Variants in PRG4 observed in about 807,000 individuals in gnomAD.
PRG4 encodes the protein proteoglycan 4.
PRG4 carries 61 observed loss-of-function variants against 91.2 expected under a neutral mutation model. That is an observed-to-expected ratio of 0.67 (90% CI 0.54 to 0.83). The LOEUF is 0.83. Among genes scored for constraint, PRG4 ranks in the 40% least tolerant of loss-of-function variants. The pLI is 0.00. For synonymous variants in PRG4, 576 were observed against 614.2 expected (o/e 0.94, Z 0.92); for missense variants, 1,564 against 1,714.2 (o/e 0.91, Z 1.55).
rs1388699141 is a variant in PRG4, at chr1:186,310,137, G to T, written c.3499+267G>T. 1.8e-3 allele frequency among the ~76,000 whole-genome samples: 165 copies of T among 90,862 alleles called. 1 individual carries two copies. Among genetic ancestry groups the T allele is most frequent in the African/African-American group, 8.8e-3 (156 of 17,640 alleles). The allele number at this position is 90,862 out of a possible 152,430, so 59.6% of individuals were successfully genotyped here. A position where few individuals can be genotyped will look rare whatever the true frequency, so the allele number is the denominator to read the frequency against. On this transcript the variant is annotated intron_variant, in intron 8 of 12. Transcript: ENST00000445192. ...TTTAAAAAGTAGTTCATTTTTTTTG[G>T]GGGGGGGGGGTAGTTAAAATTTAAA... is the stretch of plus-strand genomic sequence containing the variant.
intron 3 of PRG4, 121 bp downstream of exon 3, chr1:186,300,334 T>C: frequency 1.5e-6 from 2 of 1,306,392 alleles, no homozygotes; most frequent in Admixed American, 3.4e-5. Flanking sequence ...TGCAGTGCTG[T>C]TTTCCCACTG....
chr1:186,301,907 CT>C (rs1437630759), intron 4 of PRG4, among the ~76,000 whole-genome samples, 196 bp downstream of exon 4: 2 of 152,180 alleles, frequency 1.3e-5, no homozygotes, highest in Non-Finnish European at 2.9e-5. Context: ...AACCCCCAGG[CT>C]CAGCCAGGCT....
rs553208618 is a variant in PRG4, at chr1:186,304,927, G to C, written c.598+5G>C. 1 of 1,612,488 alleles carries C rather than the reference G, an allele frequency of 6.2e-7. No individual in the cohort carries two copies. Among genetic ancestry groups the C allele is most frequent in the African/African-American group, 1.3e-5 (1 of 74,970 alleles). On this transcript the variant is annotated splice_donor_5th_base_variant and intron_variant, in intron 6 of 12. Coordinates refer to ENST00000445192, the MANE Select transcript of PRG4 (RefSeq NM_005807.6). Reference sequence around the variant, plus strand: ...AATTACAGAAGAAACTCAAAGGTTTGAGCATTGATAAAGATCAAAGACTGT... The same window carrying C: ...AATTACAGAAGAAACTCAAAGGTTTCAGCATTGATAAAGATCAAAGACTGT...
At chr1:186,311,791 C>G in intron 10 of PRG4, 195 bp downstream of exon 10, 1 of 647,848 alleles carries the variant, frequency 1.5e-6, no homozygotes, top group Non-Finnish European at 2.6e-6. Flanking sequence ...AGGCAAGTCA[C>G]AATTCATTTG....
At chr1:186,309,711 A>T (rs995484685) in intron 7 of PRG4, 82 bp from the exon 8 acceptor site, 73 of 1,034,790 alleles carry the variant, frequency 7.1e-5, no homozygotes, top group Non-Finnish European at 9.7e-5. Flanking sequence ...AGGAAATAGA[A>T]CCATGTGGAA....
At position 186,312,769 on chromosome 1, in the gene PRG4, G is replaced by A. The variant is rs767690523; in HGVS notation, c.3992G>A (p.Gly1331Asp). ...CTTTTATTAAACATGCCACTTACAG[G>A]TGTCCTTCATAATGAAGTTAAAGTG... ...SPARLAYQDK[G>D]VLHNEVKVSI... The change falls in exon 12 of 13, where the codon GGT (glycine) becomes GAT (aspartate). Residue 1331 changes from glycine to aspartate, a missense_variant and splice_region_variant. By Grantham distance (94) the Gly-to-Asp change is moderately conservative (BLOSUM62 -1). This residue lies in a region of PRG4 where 1,079 missense variants were observed against 1,162.2 expected (regional missense o/e 0.93). Coordinates refer to ENST00000445192, the MANE Select transcript of PRG4 (RefSeq NM_005807.6). The A allele has an allele frequency of 6.2e-7, 1 of 1,612,760 alleles. No individual in the cohort carries two copies. The highest frequency in any genetic ancestry group is 8.5e-7 in the Non-Finnish European group (1 of 1,178,870).
At chr1:186,304,282 A>T (rs1184956000) in intron 5 of PRG4, 25 bp downstream of exon 5, 1 of 1,602,786 alleles carries the variant, frequency 6.2e-7, no homozygotes, top group East Asian at 2.2e-5. Flanking sequence ...GATATAATCA[A>T]AGGAGCTTTC....
At position 186,304,276 on chromosome 1, in the gene PRG4, T is replaced by C. The variant is rs776499512; in HGVS notation, c.469+19T>C. 3 of 1,605,736 alleles carry C rather than the reference T, an allele frequency of 1.9e-6. No homozygotes were observed. Among genetic ancestry groups the C allele is most frequent in the Non-Finnish European group, 2.6e-6 (3 of 1,172,550 alleles). On this transcript the variant is annotated intron_variant, in intron 5 of 12. Coordinates refer to ENST00000445192, the MANE Select transcript of PRG4 (RefSeq NM_005807.6). The stretch of plus-strand genomic sequence containing the variant: ...ACAGAAGGTAGGAAGATGACAGATA[T>C]AATCAAAGGAGCTTTCTTAGATGAA...
chr1:186,308,493 GTAC>G lies in PRG4; in HGVS notation c.2778_2780del (p.Thr927del). 5.0e-6 allele frequency: 8 copies of G among 1,613,642 alleles called. No individual in the cohort carries two copies. Among genetic ancestry groups the G allele is most frequent in the Non-Finnish European group, 6.8e-6 (8 of 1,179,992 alleles). On this transcript the variant is annotated inframe_deletion, in exon 7 of 13. Transcript: ENST00000445192. ...GACAAGACAACAGAAAGAGACTTACGTACTACACCTGAAACTACAACTGCTGCA... is the reference window on the plus strand; with the variant it reads ...GACAAGACAACAGAAAGAGACTTACGTACACCTGAAACTACAACTGCTGCA...
In PRG4 at chr1:186,308,098, T is replaced by C. The variant is rs201639286; in HGVS notation, c.2379T>C (p.Thr793=). Residue 793 remains threonine (T), a synonymous_variant, in exon 7 of 13, where the codon ACT becomes ACC. Coordinates refer to ENST00000445192, the MANE Select transcript of PRG4 (RefSeq NM_005807.6). ...PTTLKEPAPT[T]PKKPAPKELA... ...CCCTCAAGGAACCTGCACCCACTAC[T>C]CCCAAGAAGCCTGCCCCCAAGGAGC... The C allele has an allele frequency of 6.3e-7, 1 of 1,592,846 alleles. No homozygotes were observed. The highest frequency in any genetic ancestry group is 1.5e-5 in the African/African-American group (1 of 68,250).
At position 186,314,186 on chromosome 1, in the gene PRG4, C is replaced by A. The variant is rs1205506525; in HGVS notation, c.*408C>A. 12 of 612,296 alleles carry A rather than the reference C, an allele frequency of 2.0e-5. No homozygotes were observed. In the Admixed American group the frequency reaches 3.6e-4, roughly 19 times the overall value. 37.9% of individuals were successfully genotyped at this position (612,296 alleles called of 1,614,324 possible). Reference sequence around the variant, plus strand: ...TGGAAATTATTACAAGCAGATTAATCCCTCTTTTTGTGACACAAGTACAAT... The same window carrying A: ...TGGAAATTATTACAAGCAGATTAATACCTCTTTTTGTGACACAAGTACAAT... On this transcript the variant is annotated 3_prime_UTR_variant, in exon 13 of 13. Transcript: ENST00000445192.
At chr1:186,312,438 G>T in intron 11 of PRG4, 66 bp downstream of exon 11, 1 of 1,406,178 alleles carries the variant, frequency 7.1e-7, no homozygotes, top group Admixed American at 2.1e-5. Flanking sequence ...TTCTTATACA[G>T]TAAGGCTTAT....
At chr1:186,305,917 T>C (rs368148647) in intron 6 of PRG4, among the ~76,000 whole-genome samples, 6 of 152,064 alleles carry the variant, frequency 3.9e-5, no homozygotes, top group African/African-American at 1.5e-4. Context: ...TCTGAGATAA[T>C]TGGTGCAGCA....
intron 3 of PRG4, 47 bp downstream of exon 3, chr1:186,300,260 T>G (rs1416156878): frequency 6.2e-7 from 1 of 1,612,122 alleles, no homozygotes; most frequent in Non-Finnish European, 8.5e-7. Context: ...ACACTGCGAG[T>G]CTGTGAGTCC....
rs941085518 is a variant in PRG4 at position 186,296,284 on chromosome 1, T to A, written c.-40T>A. On this transcript the variant is annotated 5_prime_UTR_variant, in exon 1 of 13. Transcript: ENST00000445192. ...CCAGGACGTGGGATAAACTCATCTA[T>A]CCTTTACGGGTAAGTGTCAAAGTTA... The A allele has an allele frequency of 2.6e-5, 4 of 154,288 alleles. No homozygotes were observed. The highest frequency in any genetic ancestry group is 9.7e-5 in the African/African-American group (4 of 41,448). 9.6% of individuals were successfully genotyped at this position (154,288 alleles called of 1,614,324 possible). A position where few individuals can be genotyped will look rare whatever the true frequency, so the allele number is the denominator to read the frequency against.
In PRG4 at chr1:186,308,774, C is replaced by A; in HGVS notation, c.3055C>A (p.Pro1019Thr). The A allele has an allele frequency of 6.2e-7, 1 of 1,613,794 alleles. No individual in the cohort carries two copies. The highest frequency in any genetic ancestry group is 1.1e-5 in the South Asian group (1 of 91,048). Residue 1019 changes from proline (P) to threonine (T), a missense_variant, in exon 7 of 13, where the codon CCT (proline) becomes ACT (threonine). Pro to Thr is a conservative substitution (Grantham distance 38, BLOSUM62 -1). Coordinates refer to ENST00000445192, the MANE Select transcript of PRG4 (RefSeq NM_005807.6). ...AGCTACTAATTCTAAAGCGACAACT[C>A]CTAAACCTCAAAAGCCAACCAAAGC... ...DRATNSKATT[P>T]KPQKPTKAPK... is the part of the protein sequence containing the mutation.
At position 186,296,914 on chromosome 1, in the gene PRG4, G is replaced by T; in HGVS notation, c.39G>T (p.Leu13=). ...WKTLPIYLLL[L]LSVFVIQQVS... ...CACTTCCCATTTACCTGTTGTTGCT[G>T]CTGTCTGTTTTCGTGATTCAGCAAG... Residue 13 remains leucine, a synonymous_variant, in exon 2 of 13, where the codon CTG becomes CTT. Transcript: ENST00000445192. 6.2e-7 allele frequency: 1 copy of T among 1,613,962 alleles called. No individual in the cohort carries two copies.
At chr1:186,301,450 T>A in intron 3 of PRG4, 142 bp from the exon 4 acceptor site, 1 of 1,213,276 alleles carries the variant, frequency 8.2e-7, no homozygotes, top group Admixed American at 2.0e-5. Flanking sequence ...TTTTCCTGGA[T>A]GATGTACTCC....
At position 186,301,821 on chromosome 1, in the gene PRG4, C is replaced by T; in HGVS notation, c.319+110C>T. On this transcript the variant is annotated intron_variant, in intron 4 of 12. Transcript: ENST00000445192. ...CAGTCCATCTTAGGCCTTGATTTTA[C>T]TAACATATAAGCTATTTCATAATAA... The T allele has an allele frequency of 2.1e-6, 3 of 1,399,814 alleles. No homozygotes were observed. In the East Asian group the frequency reaches 6.9e-5, roughly 32 times the overall value. The allele number at this position is 1,399,814 out of a possible 1,614,324, so 86.7% of individuals were successfully genotyped here.
Sources: gnomAD v4.1 joint callset for allele counts (sites outside exome capture counted in the v4.1 genomes callset) on GRCh38, gnomAD v4.1.1 for gene constraint, gnomAD v4.1.1 regional missense constraint, MANE v1.5 for transcripts, NCBI Gene and HGNC (gene_info 2026-07-23, HGNC 2026-07-21) for gene names.